DAG1: variants seen among roughly 807,000 people sequenced by gnomAD.
DAG1 encodes dystroglycan 1.
Under a neutral mutation model 46.1 loss-of-function variants are expected in DAG1, and 8 were observed. That is an observed-to-expected ratio of 0.17 (90% CI 0.10 to 0.31). The LOEUF (loss-of-function observed/expected upper bound fraction) is 0.31, where lower values mean the gene tolerates loss of function less well. Ranked by LOEUF, DAG1 falls within the 10% of genes least tolerant of loss-of-function variation. The pLI, the probability that DAG1 is intolerant of heterozygous loss-of-function variation, is 1.00. For missense variants in DAG1, 1,003 were observed against 1,189.9 expected (o/e 0.84, Z 2.31); for synonymous variants, 495 against 481.8 (o/e 1.03, Z -0.36).
intron 1 of DAG1, among the ~76,000 whole-genome samples, chr3:49,486,679 T>G (rs2107214581): frequency 6.6e-6 from 1 of 151,982 alleles, no homozygotes; most frequent in East Asian, 1.9e-4. Context: ...ATTTTTATAT[T>G]TTTAGTAGAG....
At chr3:49,489,484 C>T (rs970516014) in intron 1 of DAG1, among the ~76,000 whole-genome samples, 4 of 152,122 alleles carry the variant, frequency 2.6e-5, no homozygotes, top group African/African-American at 9.7e-5. Flanking sequence ...AGTAGGGAAT[C>T]GGATACTGGG....
At chr3:49,482,831 C>T (rs1489255497) in intron 1 of DAG1, among the ~76,000 whole-genome samples, 2 of 152,056 alleles carry the variant, frequency 1.3e-5, no homozygotes, top group Non-Finnish European at 2.9e-5. Flanking sequence ...CTGTGTTTAG[C>T]CTTTTCACTG....
intron 1 of DAG1, among the ~76,000 whole-genome samples, chr3:49,483,200 C>CTTT (rs759272369): frequency 7.3e-6 from 1 of 136,786 alleles, no homozygotes; most frequent in African/African-American, 2.7e-5. Context: ...GGTAGGTCAT[C>CTTT]TTTTTTTTTT....
At chr3:49,524,974 TATATAC>T (rs1188327731) in intron 2 of DAG1, among the ~76,000 whole-genome samples, 1 of 151,970 alleles carries the variant, frequency 6.6e-6, no homozygotes, top group Non-Finnish European at 1.5e-5. Context: ...GAGACCCTTA[TATATAC>T]ATATACATAT....
chr3:49,510,565 C>T lies in DAG1; in HGVS notation c.31C>T (p.Leu11=), dbSNP rs1284420954. The T allele has an allele frequency of 6.2e-7, 1 of 1,613,876 alleles. No homozygotes were observed. Among genetic ancestry groups the T allele is most frequent in the Non-Finnish European group, 8.5e-7 (1 of 1,179,996 alleles). Residue 11 remains leucine (L), a synonymous_variant, in exon 2 of 3, where the codon CTG becomes TTG. Coordinates refer to ENST00000308775, the MANE Select transcript of DAG1 (RefSeq NM_004393.6). ...GATGTCTGTGGGCCTCTCGCTGCTG[C>T]TGCCCCTCTCGGGGAGGACCTTTCT... MRMSVGLSLL[L]PLSGRTFLLL...
intron 1 of DAG1, among the ~76,000 whole-genome samples, chr3:49,484,124 T>C (rs1568663): frequency 0.98 from 148,589 of 152,240 alleles, 72,625 homozygotes; most frequent in Middle Eastern, 1. Flanking sequence ...CTGACTCTCT[T>C]CTGCTTTGGG....
chr3:49,482,689 A>G (rs895536476), intron 1 of DAG1, among the ~76,000 whole-genome samples: 1 of 152,164 alleles, frequency 6.6e-6, no homozygotes, highest in Non-Finnish European at 1.5e-5. Context: ...ACCATTTTAT[A>G]TAAGGGACTT....
At position 49,510,489 on chromosome 3, in the gene DAG1, T is replaced by G; in HGVS notation, c.-46T>G. The G allele has an allele frequency of 6.3e-7, 1 of 1,599,042 alleles. No individual in the cohort carries two copies. Among genetic ancestry groups the G allele is most frequent in the South Asian group, 1.1e-5 (1 of 90,792 alleles). On this transcript the variant is annotated 5_prime_UTR_variant, in exon 2 of 3. Transcript: ENST00000308775. ...CCAGCTCTGGGACCAAGTCACTTGC[T>G]TCCTTACTTAGCAAGACTATCGACT...
At chr3:49,495,509 A>G (rs997476544) in intron 1 of DAG1, among the ~76,000 whole-genome samples, 1 of 152,140 alleles carries the variant, frequency 6.6e-6, no homozygotes, top group Non-Finnish European at 1.5e-5. Context: ...TTTTGATGCA[A>G]CGCGGGTGCA....
intron 2 of DAG1, among the ~76,000 whole-genome samples, chr3:49,525,343 G>C (rs2051139637): frequency 6.6e-6 from 1 of 152,148 alleles, no homozygotes; most frequent in South Asian, 2.1e-4. Context: ...ATATTAGTCT[G>C]TTCTTGTGGT....
Position 49,532,268 on chromosome 3 carries a change from C to T in DAG1, c.1757C>T (p.Ser586Leu), listed in dbSNP as rs371990100. The T allele has an allele frequency of 1.6e-4, 253 of 1,613,876 alleles. No homozygotes were observed. The highest frequency in any genetic ancestry group is 2.0e-4 in the Non-Finnish European group (234 of 1,179,890). ...CATGCCACAGACAAGGGGGGCCTGT[C>T]GGCTGTGGATGCCTTCGAGATCCAC... Reference protein sequence around the residue: ...FMHATDKGGLSAVDAFEIHVH... With the variant: ...FMHATDKGGLLAVDAFEIHVH... Residue 586 changes from serine to leucine, a missense_variant, in exon 3 of 3, where the codon TCG (serine) becomes TTG (leucine). Coordinates refer to ENST00000308775, the MANE Select transcript of DAG1 (RefSeq NM_004393.6). The surrounding 1 kb of genome is among the most constrained non-coding windows in gnomAD (Gnocchi z 5.4).
intron 1 of DAG1, among the ~76,000 whole-genome samples, chr3:49,479,628 CTTTTTTTTTTTTTT>C (rs71080522): frequency 6.4e-5 from 3 of 47,190 alleles, no homozygotes; most frequent in Non-Finnish European, 1.1e-4. Flanking sequence ...TATAACATTT[CTTTTTTTTTTTTTT>C]TTTTTTTTTT....
At position 49,489,309 on chromosome 3, in the gene DAG1, C is replaced by A. The variant is rs2050120694; in HGVS notation, c.-117+18876C>A. ...GTTTCTCCATGTTGGTCGGGCTGGT[C>A]TCGAACTCCCGACCTCAGGTGATCT... On this transcript the variant is annotated intron_variant, in intron 1 of 2. Transcript: ENST00000308775. Among the ~76,000 whole-genome samples, 4 of 152,208 alleles carry A rather than the reference C, an allele frequency of 2.6e-5. No individual in the cohort carries two copies. In the South Asian group the frequency reaches 8.3e-4, roughly 32 times the overall value.
At chr3:49,513,557 A>G (rs1370263537) in intron 2 of DAG1, among the ~76,000 whole-genome samples, 2 of 151,838 alleles carry the variant, frequency 1.3e-5, no homozygotes, top group Non-Finnish European at 2.9e-5. Flanking sequence ...TTTTCCCTGA[A>G]TCTGGGTGGA....
chr3:49,474,713 GCT>G (rs1303729680), intron 1 of DAG1, among the ~76,000 whole-genome samples: 1 of 151,974 alleles, frequency 6.6e-6, no homozygotes, highest in African/African-American at 2.4e-5. Flanking sequence ...GAACTTTTGA[GCT>G]CAAGCAATCT....
chr3:49,509,283 A>G (rs1016480554), intron 1 of DAG1, among the ~76,000 whole-genome samples: 2 of 152,148 alleles, frequency 1.3e-5, no homozygotes. Flanking sequence ...AGATTTTTAA[A>G]AACTAGCTGA....
At chr3:49,511,761 G>T (rs948318097) in intron 2 of DAG1, among the ~76,000 whole-genome samples, 2 of 152,170 alleles carry the variant, frequency 1.3e-5, no homozygotes, top group African/African-American at 4.8e-5. Flanking sequence ...CCATCTTCCT[G>T]CCTTGGCCTC....
At chr3:49,527,991 A>G (rs1187920959) in intron 2 of DAG1, among the ~76,000 whole-genome samples, 1 of 152,114 alleles carries the variant, frequency 6.6e-6, no homozygotes, top group East Asian at 1.9e-4. Flanking sequence ...GGGATGGAGT[A>G]GAGTTAGGAA....
At chr3:49,509,053 T>A (rs1342184791) in intron 1 of DAG1, among the ~76,000 whole-genome samples, 2 of 152,120 alleles carry the variant, frequency 1.3e-5, no homozygotes, top group African/African-American at 4.8e-5. Flanking sequence ...TAACAGTAAA[T>A]CCCATTTCCA....
Sources: allele counts gnomAD v4.1 joint callset (sites outside exome capture counted in the v4.1 genomes callset), GRCh38; gene constraint gnomAD v4.1.1; non-coding constraint Gnocchi (gnomAD v3.1); transcripts MANE v1.5; gene names NCBI Gene and HGNC (gene_info 2026-07-23, HGNC 2026-07-21).